GSG1L: variants seen among roughly 807,000 people sequenced by gnomAD.
The protein encoded by GSG1L is germ cell-specific gene 1-like protein.
GSG1L carries 24 observed loss-of-function variants against 42.1 expected under a neutral mutation model. That is an observed-to-expected ratio of 0.57 (90% CI 0.41 to 0.80). The LOEUF (loss-of-function observed/expected upper bound fraction) is 0.80. Ranked by LOEUF, GSG1L falls within the 30% of genes least tolerant of loss-of-function variation. GSG1L has a pLI of 0.00. For synonymous variants in GSG1L, 215 were observed against 203.5 expected (o/e 1.06, Z -0.48); for missense variants, 445 against 472.2 (o/e 0.94, Z 0.53).
At chr16:27,951,990 T>G (rs574441330) in intron 2 of GSG1L, among the ~76,000 whole-genome samples, 41 of 152,270 alleles carry the variant, frequency 2.7e-4, no homozygotes, top group African/African-American at 8.4e-4. Flanking sequence ...TGGAGATTGC[T>G]TCACAAAAAT....
At chr16:27,997,488 T>C (rs961498181) in intron 1 of GSG1L, among the ~76,000 whole-genome samples, 1 of 151,566 alleles carries the variant, frequency 6.6e-6, no homozygotes, top group Non-Finnish European at 1.5e-5. Context: ...GTTCTCCACT[T>C]TTAAGGACTC....
intron 2 of GSG1L, among the ~76,000 whole-genome samples, chr16:27,953,761 G>A (rs2084976048): frequency 6.6e-6 from 1 of 152,052 alleles, no homozygotes; most frequent in African/African-American, 2.4e-5. Context: ...TGCCTGTAAT[G>A]CCAGCTGCTC....
At chr16:28,048,999 C>T (rs2086194449) in intron 1 of GSG1L, among the ~76,000 whole-genome samples, 2 of 152,078 alleles carry the variant, frequency 1.3e-5, no homozygotes, top group South Asian at 2.1e-4. Context: ...AAGGGTAGAA[C>T]AAATCAGGCC....
chr16:27,861,982 C>T (rs1356012226), intron 3 of GSG1L, among the ~76,000 whole-genome samples: 2 of 152,138 alleles, frequency 1.3e-5, no homozygotes, highest in African/African-American at 2.4e-5. Flanking sequence ...CAGATGTGAC[C>T]CAACCCAAGT....
intron 3 of GSG1L, among the ~76,000 whole-genome samples, chr16:27,865,764 G>A (rs1474758009): frequency 6.6e-6 from 1 of 151,282 alleles, no homozygotes; most frequent in Non-Finnish European, 1.5e-5. Flanking sequence ...GTGCAGTGGT[G>A]CAATCACGGC....
At chr16:27,811,184 A>C (rs1265995541) in intron 5 of GSG1L, among the ~76,000 whole-genome samples, 1 of 152,134 alleles carries the variant, frequency 6.6e-6, no homozygotes. Flanking sequence ...ACACAAATAG[A>C]CTCAAATTAA....
chr16:27,921,991 G>A (rs1596615364), intron 2 of GSG1L, among the ~76,000 whole-genome samples: 1 of 131,564 alleles, frequency 7.6e-6, no homozygotes, highest in African/African-American at 2.8e-5. Context: ...TGTTGTTGTT[G>A]TTTGTTGTCT....
chr16:27,945,675 G>A (rs2141088148), intron 2 of GSG1L, among the ~76,000 whole-genome samples: 1 of 152,364 alleles, frequency 6.6e-6, no homozygotes, highest in South Asian at 2.1e-4. Flanking sequence ...CAATGGGAGA[G>A]GGGGCTCCAG....
chr16:28,030,853 T>A (rs2085952808), intron 1 of GSG1L, among the ~76,000 whole-genome samples: 1 of 132,008 alleles, frequency 7.6e-6, no homozygotes, highest in Non-Finnish European at 1.6e-5. Flanking sequence ...TGGGATTGGA[T>A]AGACTGGGAT....
chr16:27,831,900 C>T (rs1032026362), intron 4 of GSG1L, among the ~76,000 whole-genome samples: 2 of 152,178 alleles, frequency 1.3e-5, no homozygotes, highest in Non-Finnish European at 2.9e-5. Context: ...AACCTACCTC[C>T]CCCATTGCCT....
At chr16:27,854,109 C>G (rs1269364745) in intron 3 of GSG1L, among the ~76,000 whole-genome samples, 1 of 151,600 alleles carries the variant, frequency 6.6e-6, no homozygotes, top group Non-Finnish European at 1.5e-5. Context: ...AAGAGAGAGA[C>G]AGTTTCTCTT....
At chr16:27,819,519 A>G (rs2083129275) in intron 5 of GSG1L, among the ~76,000 whole-genome samples, 1 of 152,120 alleles carries the variant, frequency 6.6e-6, no homozygotes. Context: ...GGGAGAACAG[A>G]CGTGAGGATA....
At chr16:27,914,055 T>A (rs1399599976) in intron 2 of GSG1L, among the ~76,000 whole-genome samples, 2 of 152,106 alleles carry the variant, frequency 1.3e-5, no homozygotes, top group African/African-American at 4.8e-5. Flanking sequence ...GATCATGCAG[T>A]TTTGCACCCT....
chr16:28,056,832 C>G (rs1216048374), intron 1 of GSG1L, among the ~76,000 whole-genome samples: 1 of 152,016 alleles, frequency 6.6e-6, no homozygotes, highest in Non-Finnish European at 1.5e-5. Flanking sequence ...GTGTGATACG[C>G]AGTGGGTATG....
intron 2 of GSG1L, among the ~76,000 whole-genome samples, chr16:27,933,718 C>T (rs1240197640): frequency 6.6e-6 from 1 of 151,322 alleles, no homozygotes; most frequent in Non-Finnish European, 1.5e-5. Context: ...CTTCTTTGAC[C>T]CTCAGAACCC....
chr16:28,006,246 C>A (rs1484614460), intron 1 of GSG1L, among the ~76,000 whole-genome samples: 1 of 152,174 alleles, frequency 6.6e-6, no homozygotes, highest in Non-Finnish European at 1.5e-5. Flanking sequence ...AATGCATTCA[C>A]CCCTAGAGCC....
intron 3 of GSG1L, among the ~76,000 whole-genome samples, chr16:27,874,912 T>C (rs1354731472): frequency 6.6e-6 from 1 of 152,178 alleles, no homozygotes; most frequent in East Asian, 1.9e-4. Flanking sequence ...GCATCTGAAG[T>C]GGGGGCAGTC....
intron 2 of GSG1L, among the ~76,000 whole-genome samples, chr16:27,899,244 G>A (rs925934952): frequency 1.3e-5 from 2 of 152,220 alleles, no homozygotes; most frequent in Non-Finnish European, 2.9e-5. Context: ...GCATTTACCC[G>A]CTGCGAGTTG....
intron 1 of GSG1L, among the ~76,000 whole-genome samples, chr16:27,993,014 T>C (rs1275252650): frequency 6.6e-6 from 1 of 152,228 alleles, no homozygotes; most frequent in Non-Finnish European, 1.5e-5. Flanking sequence ...TCCATATGTC[T>C]AATTCTCATA....
Sources: gnomAD v4.1 joint callset for allele counts (sites outside exome capture counted in the v4.1 genomes callset) on GRCh38, gnomAD v4.1.1 for gene constraint, MANE v1.5 for transcripts, NCBI Gene and HGNC (gene_info 2026-07-23, HGNC 2026-07-21) for gene names.